The following MID1 variants were observed in gnomAD, a reference collection of about 807,000 sequenced individuals.
MID1 encodes E3 ubiquitin-protein ligase Midline-1.
MID1 carries 7 observed loss-of-function variants against 40.4 expected under a neutral mutation model. The observed-to-expected ratio is 0.17, with a 90% CI of 0.10 to 0.33. The LOEUF is 0.33. MID1 is among the 10% of genes least tolerant of loss of function. MID1 has a pLI of 1.00. For synonymous variants in MID1, 229 were observed against 221.2 expected, an observed-to-expected ratio of 1.04 and a Z score of -0.31; for missense variants, 367 against 558.5, an observed-to-expected ratio of 0.66 and a Z score of 3.46.
At position 10,817,730 on chromosome X, in the gene MID1, G is replaced by A. The variant is rs749351862; in HGVS notation, c.-187+15824C>T. ...TGCCTCCTGGGTTAACGTGATTCTC[G>A]TGCTTCAGCCGCCTGAGTAGCTGGG... On this transcript the variant is annotated intron_variant, in intron 1 of 10. Coordinates refer to the MID1 transcript ENST00000380785. 1.2e-4 allele frequency among the ~76,000 whole-genome samples: 12 copies of A among 104,251 alleles called. No homozygotes were observed. In the East Asian group the frequency reaches 1.8e-3, roughly 16 times the overall value. 90.5% of individuals were successfully genotyped at this position (104,251 alleles called of 115,157 possible). A position where few individuals can be genotyped will look rare whatever the true frequency, so the allele number is the denominator to read the frequency against.
intron 1 of MID1, among the ~76,000 whole-genome samples, chrX:10,789,300 T>C (rs2043911878): frequency 8.9e-6 from 1 of 112,678 alleles, no homozygotes; most frequent in Admixed American, 9.4e-5. Context: ...CTTGAATAAA[T>C]GCTCTTATCT....
At chrX:10,505,772 A>C in intron 3 of MID1, 1 of 749,907 alleles carries the variant, frequency 1.3e-6, no homozygotes, top group Non-Finnish European at 1.6e-6. Flanking sequence ...ACTTTACCTT[A>C]ATCACTTTCA....
chrX:10,526,676 A>G (rs971795653), intron 2 of MID1, among the ~76,000 whole-genome samples: 2 of 111,730 alleles, frequency 1.8e-5, no homozygotes, highest in African/African-American at 6.5e-5. Context: ...TCCCTTTATT[A>G]AGTATACATC....
rs974158494 is a variant in MID1 at position 10,449,355 on chromosome X, T to C, written c.*13A>G. ...TACTGTTCCCCAGAAAGCAGCTCCA[T>C]GTGGCCAGACGCTCACGGCAGCTGC... On this transcript the variant is annotated 3_prime_UTR_variant, in exon 10 of 10. Coordinates refer to ENST00000317552, the MANE Select transcript of MID1 (RefSeq NM_000381.4). 27 of 1,194,518 alleles carry C rather than the reference T, an allele frequency of 2.3e-5. No homozygotes were observed. Among genetic ancestry groups the C allele is most frequent in the Non-Finnish European group, 3.1e-5 (27 of 882,103 alleles).
intron 1 of MID1, among the ~76,000 whole-genome samples, chrX:10,629,337 A>G (rs1936028178): frequency 2.7e-5 from 3 of 110,092 alleles, no homozygotes; most frequent in African/African-American, 1.0e-4. Flanking sequence ...GGCTGGGATT[A>G]TAGGTGAGTG....
intron 8 of MID1, among the ~76,000 whole-genome samples, chrX:10,458,207 T>C (rs1340545753): frequency 1.8e-5 from 2 of 112,540 alleles, no homozygotes; most frequent in South Asian, 7.3e-4. Context: ...GATCTAAGTG[T>C]GCATAGGTAT....
upstream of MID1, among the ~76,000 whole-genome samples, chrX:10,623,232 C>T (rs1156747559): frequency 1.2e-5 from 1 of 84,190 alleles, no homozygotes; most frequent in Non-Finnish European, 2.3e-5. Flanking sequence ...GCCTGGGCGA[C>T]AAATAAGACC....
chrX:10,504,323 G>C (rs1437588630), intron 3 of MID1, among the ~76,000 whole-genome samples: 2 of 111,454 alleles, frequency 1.8e-5, no homozygotes, highest in African/African-American at 6.5e-5. Context: ...ACAGTGAAAG[G>C]TCCATCCCCA....
chrX:10,460,921 T>A (rs1301942216), intron 7 of MID1, among the ~76,000 whole-genome samples: 3 of 110,835 alleles, frequency 2.7e-5, no homozygotes, highest in African/African-American at 9.9e-5. Context: ...AATTTCAAGG[T>A]AGTCACAGGC....
intron 2 of MID1, among the ~76,000 whole-genome samples, chrX:10,525,744 A>G (rs952962822): frequency 1.8e-5 from 2 of 112,179 alleles, no homozygotes; most frequent in Non-Finnish European, 3.8e-5. Flanking sequence ...CTTCCATGAG[A>G]GTTCTGTGTC....
intron 3 of MID1, among the ~76,000 whole-genome samples, chrX:10,507,504 T>C (rs1170295801): frequency 1.8e-5 from 2 of 112,363 alleles, no homozygotes; most frequent in East Asian, 2.8e-4. Context: ...AAGAAAAAAA[T>C]AGTTTATTCT....
At chrX:10,647,677 T>C (rs955400570) in intron 1 of MID1, among the ~76,000 whole-genome samples, 4 of 111,759 alleles carry the variant, frequency 3.6e-5, no homozygotes, top group African/African-American at 9.8e-5. Context: ...ATTCCACGTG[T>C]CCCTAGCATG....
At chrX:10,564,362 G>C (rs1934445175) in intron 2 of MID1, among the ~76,000 whole-genome samples, 1 of 112,285 alleles carries the variant, frequency 8.9e-6, no homozygotes, top group Admixed American at 9.4e-5. Context: ...TGAAATATCA[G>C]ACATCCAAAT....
intron 1 of MID1, among the ~76,000 whole-genome samples, chrX:10,629,238 T>C (rs1167194610): frequency 9.1e-6 from 1 of 110,264 alleles, no homozygotes; most frequent in Non-Finnish European, 1.9e-5. Flanking sequence ...TGCTCTGTCA[T>C]CCAGGCTGTT....
intron 1 of MID1, among the ~76,000 whole-genome samples, chrX:10,673,624 G>C (rs2043003367): frequency 9.0e-6 from 1 of 111,405 alleles, no homozygotes; most frequent in Non-Finnish European, 1.9e-5. Flanking sequence ...AGATTCTCTG[G>C]AAGCATTAAG....
intron 1 of MID1, among the ~76,000 whole-genome samples, chrX:10,780,044 G>A (rs893330063): frequency 2.7e-5 from 3 of 109,516 alleles, no homozygotes; most frequent in Non-Finnish European, 5.7e-5. Context: ...TGCATCCTCC[G>A]CCTCCCAGGT....
chrX:10,452,548 C>T (rs1928407828), intron 9 of MID1, among the ~76,000 whole-genome samples: 1 of 111,832 alleles, frequency 8.9e-6, no homozygotes, highest in Non-Finnish European at 1.9e-5. Context: ...ATAATGTACA[C>T]ATCAATTTAA....
intron 1 of MID1, among the ~76,000 whole-genome samples, chrX:10,716,350 G>A (rs1387254642): frequency 2.7e-5 from 3 of 112,038 alleles, no homozygotes; most frequent in Non-Finnish European, 5.6e-5. Context: ...AGTCCTTAAA[G>A]GACCTGATGG....
intron 1 of MID1, among the ~76,000 whole-genome samples, chrX:10,757,749 G>A (rs1195231128): frequency 1.8e-5 from 2 of 110,832 alleles, no homozygotes; most frequent in Admixed American, 1.9e-4. Context: ...GAACTCTATC[G>A]AAATAAAGAA....
Sources: gnomAD v4.1 joint callset for allele counts (sites outside exome capture counted in the v4.1 genomes callset) on GRCh38, gnomAD v4.1.1 for gene constraint, MANE v1.5 for transcripts, NCBI Gene and HGNC (gene_info 2026-07-23, HGNC 2026-07-21) for gene names.